Variants in FGGY observed in about 807,000 individuals in gnomAD.
The protein encoded by FGGY is FGGY carbohydrate kinase domain containing.
A neutral mutation model predicts 71.3 loss-of-function variants in FGGY; 72 were observed. That is an observed-to-expected ratio of 1.01 (90% CI 0.84 to 1.23). FGGY has a LOEUF of 1.23. Among genes scored for constraint, FGGY ranks in the 50% most tolerant of loss-of-function variants. FGGY has a pLI of 0.00. For synonymous variants in FGGY, 251 were observed against 250.3 expected (o/e 1.00, Z -0.02); for missense variants, 668 against 682.3 (o/e 0.98, Z 0.23).
intron 7 of FGGY, among the ~76,000 whole-genome samples, chr1:59,516,035 G>A (rs1570528894): frequency 6.6e-6 from 1 of 152,074 alleles, no homozygotes; most frequent in Non-Finnish European, 1.5e-5. Flanking sequence ...CCATGATGAC[G>A]GGTTGATACA....
chr1:59,698,835 A>T, intron 14 of FGGY: 1 of 985,418 alleles, frequency 1.0e-6, no homozygotes, highest in South Asian at 4.7e-5. Flanking sequence ...GTGTGCCCAC[A>T]GCCAAGAGAA....
At chr1:59,739,806 A>C (rs896045002) in intron 14 of FGGY, among the ~76,000 whole-genome samples, 7 of 152,150 alleles carry the variant, frequency 4.6e-5, no homozygotes, top group Admixed American at 1.3e-4. Context: ...CTTTGTGGAC[A>C]CTATAAATCA....
intron 14 of FGGY, among the ~76,000 whole-genome samples, chr1:59,738,274 A>T (rs918626357): frequency 6.6e-6 from 1 of 152,248 alleles, no homozygotes; most frequent in African/African-American, 2.4e-5. Flanking sequence ...AGATTACAAA[A>T]ATCATAATAT....
At chr1:59,665,635 C>T (rs769098957) in intron 12 of FGGY, among the ~76,000 whole-genome samples, 5 of 151,862 alleles carry the variant, frequency 3.3e-5, no homozygotes, top group Admixed American at 6.6e-5. Context: ...CCCCCTAAGA[C>T]GTGAGGTCAG....
intron 9 of FGGY, among the ~76,000 whole-genome samples, chr1:59,617,022 C>T (rs1021234683): frequency 1.3e-5 from 2 of 152,170 alleles, no homozygotes; most frequent in Non-Finnish European, 2.9e-5. Flanking sequence ...TTGTAAATTC[C>T]AATCTCTGGT....
chr1:59,609,630 T>A (rs998097950), intron 9 of FGGY, among the ~76,000 whole-genome samples: 1 of 152,244 alleles, frequency 6.6e-6, no homozygotes, highest in East Asian at 1.9e-4. Context: ...TCTGCTTATG[T>A]TATGATGTGA....
chr1:59,448,934 C>G (rs1336462155), intron 5 of FGGY, among the ~76,000 whole-genome samples: 1 of 152,170 alleles, frequency 6.6e-6, no homozygotes, highest in Non-Finnish European at 1.5e-5. Context: ...TGGGCCAGAT[C>G]CTTTCATCAC....
At chr1:59,649,058 T>G (rs147961086) in intron 11 of FGGY, among the ~76,000 whole-genome samples, 10,767 of 150,398 alleles carry the variant, frequency 0.072, 1,059 homozygotes, top group African/African-American at 0.23. Context: ...TCAGATAGTT[T>G]TAGGTATGCG....
chr1:59,751,705 A>G (rs887062679), intron 14 of FGGY, among the ~76,000 whole-genome samples: 3 of 152,162 alleles, frequency 2.0e-5, no homozygotes, highest in Admixed American at 6.5e-5. Context: ...TATTTTCCCA[A>G]TCCTTGTCTT....
chr1:59,389,910 C>A (rs1319304165), intron 5 of FGGY, among the ~76,000 whole-genome samples: 1 of 151,706 alleles, frequency 6.6e-6, no homozygotes, highest in African/African-American at 2.4e-5. Flanking sequence ...GCAAGGATAC[C>A]CCAGGGAGTG....
intron 5 of FGGY, among the ~76,000 whole-genome samples, chr1:59,425,539 G>A (rs1486905096): frequency 6.6e-6 from 1 of 152,180 alleles, no homozygotes; most frequent in Admixed American, 6.5e-5. Flanking sequence ...AAAAATTAGA[G>A]CTACTCTTCC....
At chr1:59,559,354 G>T (rs1372739170) in intron 8 of FGGY, among the ~76,000 whole-genome samples, 1 of 152,168 alleles carries the variant, frequency 6.6e-6, no homozygotes, top group Non-Finnish European at 1.5e-5. Context: ...CACAATTTAT[G>T]TTCCTCTGCT....
chr1:59,697,653 G>A, intron 14 of FGGY: 1 of 1,303,802 alleles, frequency 7.7e-7, no homozygotes, highest in Non-Finnish European at 1.0e-6. Context: ...TCCAGTGGGG[G>A]AAATAGATAG....
At chr1:59,706,498 A>G (rs2097758528) in intron 14 of FGGY, among the ~76,000 whole-genome samples, 1 of 152,182 alleles carries the variant, frequency 6.6e-6, no homozygotes, top group African/African-American at 2.4e-5. Flanking sequence ...TGGGCTTCTC[A>G]TTTCACAGCC....
chr1:59,636,110 G>A (rs536450747), intron 10 of FGGY, among the ~76,000 whole-genome samples: 8 of 152,180 alleles, frequency 5.3e-5, no homozygotes, highest in Non-Finnish European at 1.2e-4. Flanking sequence ...GAAGATTTTT[G>A]CAGATGAGAA....
intron 8 of FGGY, among the ~76,000 whole-genome samples, chr1:59,555,030 A>G (rs1040880299): frequency 6.6e-6 from 1 of 152,160 alleles, no homozygotes; most frequent in Non-Finnish European, 1.5e-5. Flanking sequence ...ATTAAGTGGG[A>G]TGTGAGACTG....
intron 5 of FGGY, among the ~76,000 whole-genome samples, chr1:59,424,208 T>G (rs527447436): frequency 6.6e-6 from 1 of 152,226 alleles, no homozygotes; most frequent in Non-Finnish European, 1.5e-5. Flanking sequence ...GCCAGAGTGC[T>G]TGCACATGGC....
At chr1:59,368,478 C>A (rs891971893) in intron 4 of FGGY, among the ~76,000 whole-genome samples, 2 of 152,154 alleles carry the variant, frequency 1.3e-5, no homozygotes, top group Admixed American at 1.3e-4. Flanking sequence ...TGGTCTGACC[C>A]CCAGTTCCTT....
At chr1:59,705,269 T>A (rs890575459) in intron 14 of FGGY, among the ~76,000 whole-genome samples, 2 of 152,236 alleles carry the variant, frequency 1.3e-5, no homozygotes, top group Admixed American at 6.5e-5. Context: ...AACTTTTATC[T>A]GTGAATCTCT....
Sources: allele counts gnomAD v4.1 joint callset (sites outside exome capture counted in the v4.1 genomes callset), GRCh38; gene constraint gnomAD v4.1.1; transcripts MANE v1.5; gene names NCBI Gene and HGNC (gene_info 2026-07-23, HGNC 2026-07-21).